Variants in CC2D2B observed in about 807,000 individuals in gnomAD.
The protein encoded by CC2D2B is protein CC2D2B.
A neutral mutation model predicts 161.2 loss-of-function variants in CC2D2B; 128 were observed. The observed-to-expected ratio is 0.79, with a 90% confidence interval of 0.69 to 0.92. The LOEUF (loss-of-function observed/expected upper bound fraction) is 0.92. CC2D2B is among the 40% of genes least tolerant of loss of function. CC2D2B has a pLI of 0.00. For missense variants in CC2D2B, 1,173 were observed against 1,375.1 expected (o/e 0.85, Z 2.32); for synonymous variants, 391 against 449.8 (o/e 0.87, Z 1.65).
intron 18 of CC2D2B, 69 bp from the exon 19 acceptor site, chr10:95,983,537 A>G (rs1384034144): frequency 1.4e-6 from 1 of 706,352 alleles, no homozygotes; most frequent in African/African-American, 1.8e-5. Context: ...AGTTGGGGAA[A>G]AAGTCTTTTG....
chr10:95,908,063 T>C lies in CC2D2B; in HGVS notation c.-24+6T>C, dbSNP rs942607968. ...AAAGTGCACTGTCCGTCCAGGTGAATGTCGGGCTGCTGGTGAAGGTTTCTC... is the reference window on the plus strand; with the variant it reads ...AAAGTGCACTGTCCGTCCAGGTGAACGTCGGGCTGCTGGTGAAGGTTTCTC... On this transcript the variant is annotated splice_donor_region_variant and intron_variant, in intron 1 of 34. Coordinates refer to ENST00000646931, the MANE Select transcript of CC2D2B (RefSeq NM_001349008.3). 1 of 152,308 alleles carries C rather than the reference T, an allele frequency of 6.6e-6. No homozygotes were observed. Among genetic ancestry groups the C allele is most frequent in the Non-Finnish European group, 1.5e-5 (1 of 68,112 alleles). The allele number at this position is 152,308 out of a possible 1,614,324, so 9.4% of individuals were successfully genotyped here. A position where few individuals can be genotyped will look rare whatever the true frequency, so the allele number is the denominator to read the frequency against.
intron 19 of CC2D2B, among the ~76,000 whole-genome samples, chr10:95,987,404 T>G (rs2077773620): frequency 6.6e-6 from 1 of 152,206 alleles, no homozygotes; most frequent in Non-Finnish European, 1.5e-5. Context: ...GCAAAAGAAT[T>G]AATTTCAGGA....
At chr10:95,985,679 C>T (rs957837771) in intron 19 of CC2D2B, among the ~76,000 whole-genome samples, 4 of 152,122 alleles carry the variant, frequency 2.6e-5, no homozygotes, top group Non-Finnish European at 5.9e-5. Context: ...GTTCAGGGAA[C>T]AAGGGAGATA....
chr10:95,976,261 G>T (rs2077308879), intron 17 of CC2D2B, among the ~76,000 whole-genome samples: 1 of 152,074 alleles, frequency 6.6e-6, no homozygotes, highest in African/African-American at 2.4e-5. Context: ...TCCACTTTCT[G>T]CTCACCCATT....
In CC2D2B at chr10:96,012,193, A is replaced by G. The variant is rs918085964; in HGVS notation, c.3054A>G (p.Gly1018=). ...CTGATATACTCTTTCAGATTAGTGG[A>G]ACATTTCAAGTAACTATTCCACCAG... ...SALLQQSEIS[G]TFQVTIPPVL... The change falls in exon 27 of 35, where the codon GGA becomes GGG. Residue 1018 remains glycine (G), a synonymous_variant. Transcript: ENST00000646931. 5.8e-6 allele frequency: 4 copies of G among 683,844 alleles called. No homozygotes were observed. The highest frequency in any genetic ancestry group is 1.1e-5 in the Non-Finnish European group (4 of 373,356). The allele number at this position is 683,844 out of a possible 1,614,324, so 42.4% of individuals were successfully genotyped here. A position where few individuals can be genotyped will look rare whatever the true frequency, so the allele number is the denominator to read the frequency against.
intron 17 of CC2D2B, among the ~76,000 whole-genome samples, chr10:95,979,837 G>A (rs2077447793): frequency 6.6e-6 from 1 of 152,194 alleles, no homozygotes; most frequent in African/African-American, 2.4e-5. Flanking sequence ...GGTGGTGATG[G>A]TTGCACAACA....
chr10:96,002,430 A>G (rs1590833015), intron 24 of CC2D2B, among the ~76,000 whole-genome samples: 1 of 152,198 alleles, frequency 6.6e-6, no homozygotes, highest in Non-Finnish European at 1.5e-5. Context: ...TTCTGGGGGA[A>G]GAATTATGGT....
At chr10:95,998,251 C>T (rs1428258929) in intron 24 of CC2D2B, among the ~76,000 whole-genome samples, 2 of 152,072 alleles carry the variant, frequency 1.3e-5, no homozygotes, top group Admixed American at 6.6e-5. Context: ...AATCAATGAG[C>T]CAACATTGAT....
intron 29 of CC2D2B, among the ~76,000 whole-genome samples, chr10:96,015,406 AG>A (rs2141881771): frequency 6.6e-6 from 1 of 151,876 alleles, no homozygotes; most frequent in African/African-American, 2.4e-5. Flanking sequence ...TGTAGCCACT[AG>A]TCAGCAACAG....
At chr10:95,962,769 T>TG (rs921256986) in intron 12 of CC2D2B, among the ~76,000 whole-genome samples, 1 of 151,530 alleles carries the variant, frequency 6.6e-6, no homozygotes, top group Non-Finnish European at 1.5e-5. Context: ...AGTAGTTTTT[T>TG]TTTTTTTTTT....
rs752921182 is a variant in CC2D2B, at chr10:96,004,244, A to G, written c.2942A>G (p.His981Arg). The G allele has an allele frequency of 1.4e-6, 2 of 1,428,788 alleles. No homozygotes were observed. Among genetic ancestry groups the G allele is most frequent in the East Asian group, 2.5e-5 (1 of 40,546 alleles). The allele number at this position is 1,428,788 out of a possible 1,614,324, so 88.5% of individuals were successfully genotyped here. The change falls in exon 25 of 35, where the codon CAT becomes CGT. Residue 981 changes from histidine (H) to arginine (R), a missense_variant. Around this residue, in one of 3 missense-constraint regions of CC2D2B, gnomAD observed 598 missense variants for 693.2 expected, o/e 0.86. Coordinates refer to ENST00000646931, the MANE Select transcript of CC2D2B (RefSeq NM_001349008.3). ...TTTGATGAAATGATGACTGAAAAACATGAGGTAAAGTAGAATAATTACAAT... is the reference window on the plus strand; with the variant it reads ...TTTGATGAAATGATGACTGAAAAACGTGAGGTAAAGTAGAATAATTACAAT... ...NIFDEMMTEK[H>R]EDHCLKSCSG...
intron 33 of CC2D2B, among the ~76,000 whole-genome samples, chr10:96,025,178 TATATATAAA>T (rs1564684094): frequency 2.8e-4 from 3 of 10,658 alleles, no homozygotes; most frequent in Non-Finnish European, 6.2e-4. Context: ...TATATATATA[TATATATAAA>T]AAAAAATATA....
chr10:95,921,782 C>A (rs536315412), intron 2 of CC2D2B, among the ~76,000 whole-genome samples: 1 of 147,448 alleles, frequency 6.8e-6, no homozygotes. Flanking sequence ...GCACATCACA[C>A]GCCAGGGCCT....
intron 3 of CC2D2B, among the ~76,000 whole-genome samples, chr10:95,923,409 G>C (rs1180466507): frequency 6.6e-6 from 1 of 152,148 alleles, no homozygotes; most frequent in Admixed American, 6.5e-5. Flanking sequence ...TTCTCTAATA[G>C]CTGGAAAAAG....
rs538623191 is a variant in CC2D2B at position 95,922,922 on chromosome 10, C to T, written c.97+846C>T. 4.6e-5 allele frequency among the ~76,000 whole-genome samples: 7 copies of T among 151,716 alleles called. No individual in the cohort carries two copies. The South Asian group carries it at 1.3e-3, about 27-fold the overall frequency. On this transcript the variant is annotated intron_variant, in intron 3 of 34. Coordinates refer to ENST00000646931, the MANE Select transcript of CC2D2B (RefSeq NM_001349008.3). ...TCAAGCGGTGGTCCCACCTCAGCCT[C>T]TCAAGTAGCTGGGACTATAGGCATG...
intron 6 of CC2D2B, among the ~76,000 whole-genome samples, chr10:95,932,798 T>C (rs1245297929): frequency 1.3e-5 from 2 of 152,204 alleles, no homozygotes; most frequent in Non-Finnish European, 2.9e-5. Context: ...CCTTTCTCTC[T>C]GGCTGCCCTT....
At chr10:95,910,435 A>G (rs757142482) in intron 1 of CC2D2B, among the ~76,000 whole-genome samples, 2 of 152,198 alleles carry the variant, frequency 1.3e-5, no homozygotes, top group Non-Finnish European at 2.9e-5. Flanking sequence ...CCAGCATGTC[A>G]CATGGCAAGA....
At chr10:95,949,762 AATT>A (rs2076340745) in intron 9 of CC2D2B, 131 bp from the exon 10 acceptor site, 2 of 395,182 alleles carry the variant, frequency 5.1e-6, no homozygotes, top group East Asian at 7.2e-5. Context: ...AAAGGAATCA[AATT>A]ATTATTTTTT....
chr10:95,910,246 G>A (rs2098503693), intron 1 of CC2D2B, among the ~76,000 whole-genome samples: 1 of 152,220 alleles, frequency 6.6e-6, no homozygotes, highest in Non-Finnish European at 1.5e-5. Flanking sequence ...TAACCGTCAT[G>A]TTGAATGATA....
Sources: gnomAD v4.1 joint callset for allele counts (sites outside exome capture counted in the v4.1 genomes callset) on GRCh38, gnomAD v4.1.1 for gene constraint, gnomAD v4.1.1 regional missense constraint, MANE v1.5 for transcripts, NCBI Gene and HGNC (gene_info 2026-07-23, HGNC 2026-07-21) for gene names.